OR10H3: variants seen among roughly 807,000 people sequenced by gnomAD.
OR10H3 encodes olfactory receptor 10H3.
OR10H3 carries 15 observed loss-of-function variants against 11.1 expected under a neutral mutation model. The ratio of observed to expected loss-of-function variants is 1.36; its 90% CI spans 0.91 to 2.09. The LOEUF is 2.09. Ranked by LOEUF, OR10H3 falls within the 30% of genes most tolerant of loss-of-function variation. OR10H3 has a pLI of 0.00. For missense variants in OR10H3, 403 were observed against 391.5 expected (o/e 1.03, Z -0.25); for synonymous variants, 149 against 142.1 (o/e 1.05, Z -0.35).
intron 1 of OR10H3, among the ~76,000 whole-genome samples, chr19:15,740,798 GT>G (rs1481550371): frequency 6.6e-6 from 1 of 152,082 alleles, no homozygotes; most frequent in Non-Finnish European, 1.5e-5. Context: ...TTTTATTAAG[GT>G]TGCAGCCTCA....
rs11670326 is a variant in OR10H3, at chr19:15,741,734, C to T, written c.342C>T (p.Phe114=). The T allele has an allele frequency of 0.28, 459,251 of 1,613,880 alleles. 68,556 individuals carry two copies. The highest frequency in any genetic ancestry group is 0.43 in the African/African-American group (32,168 of 74,912). Residue 114 remains phenylalanine, a synonymous_variant, in exon 2 of 2, where the codon TTC becomes TTT. Coordinates refer to ENST00000641646, the MANE Select transcript of OR10H3 (RefSeq NM_013938.2). ...FSFMFGFTHS[F]LLMVMGYDHY... is the part of the protein sequence containing the mutation. ...TCATGTTTGGCTTCACTCACTCCTT[C>T]CTTCTCATGGTCATGGGCTATGATC...
rs773461981 is a variant in OR10H3, at chr19:15,741,567, C to G, written c.175C>G (p.Pro59Ala). The change falls in exon 2 of 2, where the codon CCC (proline) becomes GCC (alanine). Residue 59 changes from proline to alanine, a missense_variant. Physicochemically the swap from Pro to Ala is conservative, Grantham distance 27. Transcript: ENST00000641646. ...TVWIERRLHT[P>A]MYLFLCALSI... ...TTGGATTGAACGCAGACTCCACACA[C>G]CCATGTACCTCTTCTTGTGTGCCCT... 6.2e-7 allele frequency: 1 copy of G among 1,614,188 alleles called. No homozygotes were observed. Among genetic ancestry groups the G allele is most frequent in the Non-Finnish European group, 8.5e-7 (1 of 1,180,024 alleles).
intron 1 of OR10H3, among the ~76,000 whole-genome samples, chr19:15,740,551 A>G (rs11673284): frequency 0.31 from 47,411 of 152,044 alleles, 7,867 homozygotes; most frequent in African/African-American, 0.39. Context: ...TTGTTCCTCC[A>G]TCTTCTGTAC....
rs1443790947 is a variant in OR10H3 at position 15,741,674 on chromosome 19, C to T, written c.282C>T (p.Thr94=). The T allele has an allele frequency of 3.1e-6, 5 of 1,614,216 alleles. No homozygotes were observed. The South Asian group carries it at 4.4e-5, about 14-fold the overall frequency. ...ADLLFTHRSI[T]FVACAIQMFF... is the part of the protein sequence containing the mutation. ...TGCTCTTCACCCATCGTTCCATCACCTTTGTGGCTTGTGCCATTCAGATGT... is the reference window on the plus strand; with the variant it reads ...TGCTCTTCACCCATCGTTCCATCACTTTTGTGGCTTGTGCCATTCAGATGT... Residue 94 remains threonine, a synonymous_variant, in exon 2 of 2, where the codon ACC becomes ACT. Coordinates refer to ENST00000641646, the MANE Select transcript of OR10H3 (RefSeq NM_013938.2).
chr19:15,741,447 G>A lies in OR10H3; in HGVS notation c.55G>A (p.Ala19Thr), dbSNP rs769849734. The A allele has an allele frequency of 6.2e-7, 1 of 1,614,162 alleles. No individual in the cohort carries two copies. Among genetic ancestry groups the A allele is most frequent in the Non-Finnish European group, 8.5e-7 (1 of 1,180,020 alleles). ...ISEFILSGFSAFPQQLLPVLF... is the reference protein window; with the variant it reads ...ISEFILSGFSTFPQQLLPVLF... ...TGAATTTATCCTCTCTGGCTTCTCA[G>A]CCTTCCCCCAGCAGCTCCTGCCTGT... Residue 19 changes from alanine (A) to threonine (T), a missense_variant, in exon 2 of 2, where the codon GCC (alanine) becomes ACC (threonine). By Grantham distance (58) the Ala-to-Thr change is moderately conservative. Transcript: ENST00000641646.
rs753413909 is a variant in OR10H3 at position 15,742,211 on chromosome 19, T to G, written c.819T>G (p.Asp273Glu). 1.5e-5 allele frequency: 24 copies of G among 1,614,002 alleles called. No individual in the cohort carries two copies. The highest frequency in any genetic ancestry group is 1.9e-5 in the Non-Finnish European group (23 of 1,180,034). The change falls in exon 2 of 2, where the codon GAT becomes GAG. Residue 273 changes from aspartate (D) to glutamate (E), a missense_variant. By Grantham distance (45) the Asp-to-Glu change is conservative. Transcript: ENST00000641646. ...KPKGLHSMYS[D>E]ALMATTYTVF... is the part of the protein sequence containing the mutation. ...AGGGCCTCCATTCTATGTACAGTGA[T>G]GCCTTGATGGCCACCACCTATACTG...
At position 15,742,121 on chromosome 19, in the gene OR10H3, T is replaced by C. The variant is rs767928269; in HGVS notation, c.729T>C (p.Cys243=). The change falls in exon 2 of 2, where the codon TGT becomes TGC. Residue 243 remains cysteine, a synonymous_variant. Coordinates refer to ENST00000641646, the MANE Select transcript of OR10H3 (RefSeq NM_013938.2). ...GCCGGCACAAGACTTTCTCCACTTG[T>C]GTATCCCACCTCACTGTGGTGGTCA... ...AEGRHKTFST[C]VSHLTVVVMH... 12 of 1,614,064 alleles carry C rather than the reference T, an allele frequency of 7.4e-6. No homozygotes were observed. Among genetic ancestry groups the C allele is most frequent in the Non-Finnish European group, 1.0e-5 (12 of 1,180,026 alleles).
At position 15,738,548 on chromosome 19, in the gene OR10H3, T is replaced by C. The variant is rs1450965438; in HGVS notation, c.-12+497T>C. On this transcript the variant is annotated intron_variant, in intron 1 of 1. Coordinates refer to ENST00000641646, the MANE Select transcript of OR10H3 (RefSeq NM_013938.2). ...TGTCAGATTTCCTAACTCTTTTCTATTTTTTTGAAGATCATGTGTAAGATT... is the reference window on the plus strand; with the variant it reads ...TGTCAGATTTCCTAACTCTTTTCTACTTTTTTGAAGATCATGTGTAAGATT... Among the ~76,000 whole-genome samples, 6 of 151,918 alleles carry C rather than the reference T, an allele frequency of 3.9e-5. No individual in the cohort carries two copies. The East Asian group carries it at 1.2e-3, about 29-fold the overall frequency.
intron 1 of OR10H3, among the ~76,000 whole-genome samples, chr19:15,741,045 T>A (rs1293700646): frequency 6.6e-6 from 1 of 152,238 alleles, no homozygotes; most frequent in Non-Finnish European, 1.5e-5. Context: ...TTTCTAGAAC[T>A]GGCACATTTT....
In OR10H3 at chr19:15,742,333, T is replaced by G; in HGVS notation, c.941T>G (p.Leu314Arg). 6.2e-7 allele frequency: 1 copy of G among 1,611,576 alleles called. No individual in the cohort carries two copies. Among genetic ancestry groups the G allele is most frequent in the South Asian group, 1.1e-5 (1 of 90,920 alleles). ...AACTTTTGCAGAAGGTTCTGCCCTC[T>G]AAGCTCCTAATGGCCAGTTTGGTGG... ...NKNFCRRFCP[L>R]SS is the part of the protein sequence containing the mutation. Residue 314 changes from leucine (L) to arginine (R), a missense_variant, in exon 2 of 2, where the codon CTA (leucine) becomes CGA (arginine). Coordinates refer to ENST00000641646, the MANE Select transcript of OR10H3 (RefSeq NM_013938.2).
rs148618164 is a variant in OR10H3 at position 15,741,388 on chromosome 19, T to C, written c.-5T>C. 8.0e-4 allele frequency: 1,276 copies of C among 1,589,910 alleles called. 2 individuals carry two copies. The highest frequency in any genetic ancestry group is 1.8e-3 in the Middle Eastern group (11 of 6,034). ...TTGTTTCTGATCTCACCAGATACAG[T>C]ATCCATGCCTGGTCAGAACTACAGA... On this transcript the variant is annotated 5_prime_UTR_variant, in exon 2 of 2. Transcript: ENST00000641646.
chr19:15,740,802 C>T (rs973674833), intron 1 of OR10H3, among the ~76,000 whole-genome samples: 1 of 152,186 alleles, frequency 6.6e-6, no homozygotes, highest in African/African-American at 2.4e-5. Context: ...ATTAAGGTTG[C>T]AGCCTCAGCT....
At chr19:15,738,874 G>C (rs1184299933) in intron 1 of OR10H3, among the ~76,000 whole-genome samples, 3 of 151,352 alleles carry the variant, frequency 2.0e-5, no homozygotes, top group Admixed American at 2.0e-4. Flanking sequence ...TCTGTTATTG[G>C]TACCTTCTCC....
At chr19:15,741,226 A>T (rs1308949314) in intron 1 of OR10H3, among the ~76,000 whole-genome samples, 156 bp from the exon 2 acceptor site, 1 of 152,204 alleles carries the variant, frequency 6.6e-6, no homozygotes, top group Non-Finnish European at 1.5e-5. Context: ...AATGTTAAGA[A>T]CTATTATTAT....
At chr19:15,740,953 A>G (rs1410815182) in intron 1 of OR10H3, among the ~76,000 whole-genome samples, 1 of 152,240 alleles carries the variant, frequency 6.6e-6, no homozygotes, top group Non-Finnish European at 1.5e-5. Flanking sequence ...TATTAAAATA[A>G]ATGTAAACGG....
intron 1 of OR10H3, among the ~76,000 whole-genome samples, chr19:15,739,772 T>G (rs942427608): frequency 6.6e-6 from 1 of 152,184 alleles, no homozygotes; most frequent in Admixed American, 6.5e-5. Context: ...TGTTAATGAA[T>G]ATTCCAGGAT....
chr19:15,739,936 T>C lies in OR10H3; in HGVS notation c.-11-1446T>C, dbSNP rs373563868. ...TTGAAAAACTAAACATTTACCTTCA[T>C]AGTCAAAATAACCAGATAACACTTA... On this transcript the variant is annotated intron_variant, in intron 1 of 1. Transcript: ENST00000641646. 5.9e-5 allele frequency among the ~76,000 whole-genome samples: 9 copies of C among 152,084 alleles called. No individual in the cohort carries two copies. In the South Asian group the frequency reaches 1.7e-3, roughly 28 times the overall value.
rs764420266 is a variant in OR10H3, at chr19:15,741,882, G to C, written c.490G>C (p.Val164Leu). Residue 164 changes from valine (V) to leucine (L), a missense_variant, in exon 2 of 2, where the codon GTT becomes CTT. Transcript: ENST00000641646. ...SVMGMMVTMM[V>L]FHLTFCGSNV... ...CATGGGGATGATGGTGACAATGATG[G>C]TTTTTCACCTCACTTTCTGTGGGTC... 6.2e-7 allele frequency: 1 copy of C among 1,614,150 alleles called. No individual in the cohort carries two copies. Among genetic ancestry groups the C allele is most frequent in the East Asian group, 2.2e-5 (1 of 44,876 alleles).
At position 15,742,208 on chromosome 19, in the gene OR10H3, T is replaced by C; in HGVS notation, c.816T>C (p.Ser272=). The change falls in exon 2 of 2, where the codon AGT becomes AGC. Residue 272 remains serine, a synonymous_variant. Transcript: ENST00000641646. The part of the protein sequence containing the change: ...LKPKGLHSMY[S]DALMATTYTV... Reference sequence around the variant, plus strand: ...CCAAGGGCCTCCATTCTATGTACAGTGATGCCTTGATGGCCACCACCTATA... The same window carrying C: ...CCAAGGGCCTCCATTCTATGTACAGCGATGCCTTGATGGCCACCACCTATA... 1 of 1,614,116 alleles carries C rather than the reference T, an allele frequency of 6.2e-7. No homozygotes were observed. Among genetic ancestry groups the C allele is most frequent in the Non-Finnish European group, 8.5e-7 (1 of 1,180,032 alleles).
Sources: allele counts gnomAD v4.1 joint callset (sites outside exome capture counted in the v4.1 genomes callset), GRCh38; gene constraint gnomAD v4.1.1; transcripts MANE v1.5; gene names NCBI Gene and HGNC (gene_info 2026-07-23, HGNC 2026-07-21).